The following ZNF438 variants were observed in gnomAD, a reference collection of about 807,000 sequenced individuals.
ZNF438 encodes the protein zinc finger protein 438.
Under a neutral mutation model 38.0 loss-of-function variants are expected in ZNF438, and 25 were observed. The observed-to-expected ratio is 0.66, with a 90% CI of 0.48 to 0.92. The LOEUF (loss-of-function observed/expected upper bound fraction) is 0.92, where lower values mean the gene tolerates loss of function less well. Ranked by LOEUF, ZNF438 falls within the 40% of genes least tolerant of loss-of-function variation. The probability of loss-of-function intolerance (pLI) is 0.00; values close to 1 mark genes in which losing one functional copy is unlikely to be tolerated. For missense variants in ZNF438, 1,007 were observed against 999.6 expected (o/e 1.01, Z -0.10); for synonymous variants, 372 against 364.1 (o/e 1.02, Z -0.25).
intron 1 of ZNF438, among the ~76,000 whole-genome samples, chr10:30,998,265 G>A (rs1342739539): frequency 6.6e-6 from 1 of 151,998 alleles, no homozygotes; most frequent in Non-Finnish European, 1.5e-5. Flanking sequence ...TATTGGCTGG[G>A]CGCAGTGGCT....
intron 3 of ZNF438, among the ~76,000 whole-genome samples, chr10:30,883,697 C>T (rs981926656): frequency 6.6e-6 from 1 of 152,032 alleles, no homozygotes; most frequent in Non-Finnish European, 1.5e-5. Flanking sequence ...CAGTGAAACC[C>T]ATCTCTACAA....
At chr10:30,870,467 T>C (rs1489032742) in intron 4 of ZNF438, among the ~76,000 whole-genome samples, 1 of 152,120 alleles carries the variant, frequency 6.6e-6, no homozygotes, top group East Asian at 1.9e-4. Flanking sequence ...TTCTTGGTGA[T>C]TTTACTGTTT....
At chr10:30,887,181 A>C (rs2040061202) in intron 3 of ZNF438, among the ~76,000 whole-genome samples, 1 of 152,132 alleles carries the variant, frequency 6.6e-6, no homozygotes, top group Non-Finnish European at 1.5e-5. Flanking sequence ...TAGGCCAGGG[A>C]CCACTGAAAT....
intron 1 of ZNF438, among the ~76,000 whole-genome samples, chr10:30,947,136 G>T (rs1223834489): frequency 6.6e-6 from 1 of 152,194 alleles, no homozygotes; most frequent in Non-Finnish European, 1.5e-5. Context: ...GGTTATCTTT[G>T]CCAAAGTGAC....
At chr10:30,888,144 A>G (rs978970067) in intron 3 of ZNF438, among the ~76,000 whole-genome samples, 1 of 152,166 alleles carries the variant, frequency 6.6e-6, no homozygotes, top group Non-Finnish European at 1.5e-5. Flanking sequence ...TTGGGTAAAA[A>G]CCTGGGAGTG....
chr10:30,897,812 C>T (rs1488430963), intron 3 of ZNF438, among the ~76,000 whole-genome samples: 1 of 152,172 alleles, frequency 6.6e-6, no homozygotes, highest in Non-Finnish European at 1.5e-5. Context: ...CTGGGGCACA[C>T]AGGGCCTTGT....
At chr10:30,844,860 CTGT>C in exon 6 of ZNF438, 2 of 1,400,062 alleles carry the variant, frequency 1.4e-6, no homozygotes, top group Non-Finnish European at 1.9e-6. Flanking sequence ...CACACCAATC[CTGT>C]TGTTTGATCT....
intron 2 of ZNF438, among the ~76,000 whole-genome samples, chr10:30,917,985 C>T (rs754192450): frequency 2.4e-4 from 36 of 152,004 alleles, no homozygotes; most frequent in Non-Finnish European, 4.4e-4. Flanking sequence ...ATGCATGATG[C>T]AAGACAGAAA....
chr10:30,866,215 T>G (rs948208566), intron 4 of ZNF438, among the ~76,000 whole-genome samples: 1 of 152,214 alleles, frequency 6.6e-6, no homozygotes, highest in Admixed American at 6.5e-5. Context: ...CATATGGAAA[T>G]AGGACTGTTG....
chr10:30,902,482 C>T (rs1191192130), intron 3 of ZNF438, among the ~76,000 whole-genome samples: 1 of 152,154 alleles, frequency 6.6e-6, no homozygotes, highest in Non-Finnish European at 1.5e-5. Flanking sequence ...TCCAAGTCCC[C>T]ACCAGATTAG....
At chr10:31,005,496 CAG>C (rs532865086) in intron 1 of ZNF438, among the ~76,000 whole-genome samples, 56 of 152,072 alleles carry the variant, frequency 3.7e-4, no homozygotes, top group African/African-American at 8.7e-4. Flanking sequence ...TGATGGTAAA[CAG>C]GGGTGGACGG....
At chr10:30,871,276 G>T (rs918223129) in intron 4 of ZNF438, among the ~76,000 whole-genome samples, 1 of 151,880 alleles carries the variant, frequency 6.6e-6, no homozygotes, top group African/African-American at 2.4e-5. Context: ...CTTGTTAAAT[G>T]AACATTTGCT....
At chr10:30,932,215 G>A (rs987334174) in intron 2 of ZNF438, among the ~76,000 whole-genome samples, 3 of 151,790 alleles carry the variant, frequency 2.0e-5, no homozygotes, top group African/African-American at 2.4e-5. Flanking sequence ...TATTACAGTT[G>A]TATGCATTAA....
chr10:30,947,098 A>T (rs76943080), intron 1 of ZNF438, among the ~76,000 whole-genome samples: 12,084 of 152,316 alleles, frequency 0.079, 577 homozygotes, highest in Non-Finnish European at 0.11. Context: ...GTCCTCTGGT[A>T]GACAGTCCCA....
At chr10:30,925,790 G>C (rs1340674090) in intron 2 of ZNF438, among the ~76,000 whole-genome samples, 1 of 152,180 alleles carries the variant, frequency 6.6e-6, no homozygotes, top group African/African-American at 2.4e-5. Context: ...CCCACATTAT[G>C]GAAGGTCACC....
intron 4 of ZNF438, among the ~76,000 whole-genome samples, chr10:30,869,870 G>C (rs971596546): frequency 6.6e-6 from 1 of 152,174 alleles, no homozygotes; most frequent in Non-Finnish European, 1.5e-5. Flanking sequence ...TCCCCCAATA[G>C]TGAGGTCATA....
intron 1 of ZNF438, among the ~76,000 whole-genome samples, chr10:30,997,167 G>A (rs1424773684): frequency 6.6e-6 from 1 of 152,006 alleles, no homozygotes; most frequent in African/African-American, 2.4e-5. Context: ...CTAAACCTAA[G>A]CAAGCAGACG....
intron 2 of ZNF438, among the ~76,000 whole-genome samples, chr10:30,924,504 T>A (rs1012957893): frequency 1.3e-5 from 2 of 152,228 alleles, no homozygotes; most frequent in African/African-American, 4.8e-5. Flanking sequence ...GGCCTGAAGG[T>A]CATTTCCTGA....
chr10:30,983,400 A>G (rs1317243819), intron 1 of ZNF438, among the ~76,000 whole-genome samples: 3 of 152,250 alleles, frequency 2.0e-5, no homozygotes, highest in East Asian at 1.9e-4. Flanking sequence ...GGAAGCAGGT[A>G]CATCTTACAT....
Sources: gnomAD v4.1 joint callset for allele counts (sites outside exome capture counted in the v4.1 genomes callset) on GRCh38, gnomAD v4.1.1 for gene constraint, MANE v1.5 for transcripts, NCBI Gene and HGNC (gene_info 2026-07-23, HGNC 2026-07-21) for gene names.